MARK4: variants seen among roughly 807,000 people sequenced by gnomAD.
MARK4 encodes the protein MAP/microtubule affinity-regulating kinase 4.
MARK4 carries 19 observed loss-of-function variants against 81.5 expected under a neutral mutation model. That is an observed-to-expected ratio of 0.23 (90% CI 0.16 to 0.34). The LOEUF (loss-of-function observed/expected upper bound fraction) is 0.34, where lower values mean the gene tolerates loss of function less well. Ranked by LOEUF, MARK4 falls within the 10% of genes least tolerant of loss-of-function variation. The probability of loss-of-function intolerance (pLI) is 1.00; values close to 1 mark genes in which losing one functional copy is unlikely to be tolerated. For missense variants in MARK4, 772 were observed against 1,058.8 expected, an observed-to-expected ratio of 0.73 and a Z score of 3.76; for synonymous variants, 436 against 439.0, an observed-to-expected ratio of 0.99 and a Z score of 0.08.
At position 45,305,244 on chromosome 19, in the gene MARK4, G is replaced by A; in HGVS notation, c.*2534G>A. On this transcript the variant is annotated 3_prime_UTR_variant, in exon 17 of 17. Coordinates refer to ENST00000262891, the MANE Select transcript of MARK4 (RefSeq NM_001199867.2). ...ATGTAGCCTCTGGGTGTGGAGCTGG[G>A]ATCTTCAACTGGGGACAGTACAGTA... 1 of 152,330 alleles carries A rather than the reference G, an allele frequency of 6.6e-6. No homozygotes were observed. 9.4% of individuals were successfully genotyped at this position (152,330 alleles called of 1,614,324 possible).
chr19:45,272,592 A>G (rs1970544183), intron 8 of MARK4, among the ~76,000 whole-genome samples: 1 of 152,132 alleles, frequency 6.6e-6, no homozygotes, highest in East Asian at 1.9e-4. Flanking sequence ...AAAATGTTCT[A>G]AAATTCAATG....
chr19:45,289,991 T>C (rs1970800392), intron 13 of MARK4, among the ~76,000 whole-genome samples: 1 of 151,598 alleles, frequency 6.6e-6, no homozygotes, highest in African/African-American at 2.4e-5. Context: ...TCCCAGCTAC[T>C]TGGGAGGCTG....
chr19:45,252,344 G>T (rs1970254991), intron 1 of MARK4, among the ~76,000 whole-genome samples: 2 of 151,922 alleles, frequency 1.3e-5, no homozygotes, highest in Admixed American at 1.3e-4. Context: ...GACCCTTTCT[G>T]GTCTCTTCCT....
At chr19:45,252,948 T>C (rs929030601) in intron 1 of MARK4, among the ~76,000 whole-genome samples, 32 of 152,082 alleles carry the variant, frequency 2.1e-4, no homozygotes, top group African/African-American at 7.7e-4. Context: ...GGCCTCTGAC[T>C]TCCACTGCCC....
chr19:45,268,313 G>A (rs943797099), intron 7 of MARK4, among the ~76,000 whole-genome samples: 2 of 151,804 alleles, frequency 1.3e-5, no homozygotes, highest in South Asian at 4.2e-4. Flanking sequence ...TTGGCTGGAC[G>A]CGGTGGCTCT....
chr19:45,269,661 G>A (rs1379355204), intron 7 of MARK4, among the ~76,000 whole-genome samples: 1 of 152,128 alleles, frequency 6.6e-6, no homozygotes, highest in African/African-American at 2.4e-5. Flanking sequence ...CAGAAGGCTG[G>A]AGGCTTCTTC....
At chr19:45,295,996 G>A (rs570398948) in intron 14 of MARK4, among the ~76,000 whole-genome samples, 1 of 152,246 alleles carries the variant, frequency 6.6e-6, no homozygotes, top group East Asian at 1.9e-4. Context: ...CTGGCTCAGT[G>A]CCCCTAACAA....
chr19:45,295,382 T>A (rs1432020258), intron 14 of MARK4, among the ~76,000 whole-genome samples: 1 of 151,422 alleles, frequency 6.6e-6, no homozygotes, highest in Non-Finnish European at 1.5e-5. Context: ...CACGATTCTG[T>A]GAATACTCAG....
In MARK4 at chr19:45,303,948, A is replaced by G. The variant is rs1568507069; in HGVS notation, c.*1238A>G. The G allele has an allele frequency of 1.3e-5, 2 of 152,314 alleles. No homozygotes were observed. The highest frequency in any genetic ancestry group is 2.4e-5 in the African/African-American group (1 of 41,476). 9.4% of individuals were successfully genotyped at this position (152,314 alleles called of 1,614,324 possible). A position where few individuals can be genotyped will look rare whatever the true frequency, so the allele number is the denominator to read the frequency against. ...GGAGTATGTGGTATATCTTCAGAGA[A>G]CTGGGTAATTTCAGTGTGGCTGCTG... is the stretch of plus-strand genomic sequence containing the variant. On this transcript the variant is annotated 3_prime_UTR_variant, in exon 17 of 17. Coordinates refer to ENST00000262891, the MANE Select transcript of MARK4 (RefSeq NM_001199867.2).
At chr19:45,264,783 G>A (rs538618325) in intron 5 of MARK4, 34 bp downstream of exon 5, 1 of 1,613,852 alleles carries the variant, frequency 6.2e-7, no homozygotes, top group South Asian at 1.1e-5. Context: ...CTGCCCCTGT[G>A]CCACCTCCCC....
intron 1 of MARK4, among the ~76,000 whole-genome samples, chr19:45,254,213 G>A (rs1970279652): frequency 6.6e-6 from 1 of 152,172 alleles, no homozygotes. Flanking sequence ...CGCCAGCCGG[G>A]CGGGAGGGAG....
At chr19:45,259,735 A>G (rs1299692491) in intron 2 of MARK4, among the ~76,000 whole-genome samples, 1 of 152,132 alleles carries the variant, frequency 6.6e-6, no homozygotes, top group Non-Finnish European at 1.5e-5. Context: ...TGACCTCACC[A>G]CTGCACTCCA....
chr19:45,290,746 G>A (rs1970809787), intron 13 of MARK4, among the ~76,000 whole-genome samples: 1 of 152,226 alleles, frequency 6.6e-6, no homozygotes, highest in African/African-American at 2.4e-5. Flanking sequence ...GCAGCAACTG[G>A]CAATGACCGG....
At chr19:45,268,539 G>A (rs542749376) in intron 7 of MARK4, among the ~76,000 whole-genome samples, 3 of 150,612 alleles carry the variant, frequency 2.0e-5, no homozygotes, top group East Asian at 2.0e-4. Flanking sequence ...TGCCAAGATC[G>A]CGCCAGTGCA....
chr19:45,251,964 C>A (rs554172140), intron 1 of MARK4, among the ~76,000 whole-genome samples: 1 of 151,968 alleles, frequency 6.6e-6, no homozygotes, highest in Non-Finnish European at 1.5e-5. Flanking sequence ...AAGCCGTTTC[C>A]CCTCCAGGCC....
rs1398035769 is a variant in MARK4 at position 45,297,900 on chromosome 19, G to A, written c.1823G>A (p.Arg608Gln). ...AHEAAPLPAG[R>Q]PRPTTNLFTK... ...GAGGCTGCACCCCTGCCCGCCGGGC[G>A]GCCCCGCCCCACCACCAACCTCTTC... The change falls in exon 15 of 17, where the codon CGG becomes CAG. Residue 608 changes from arginine to glutamine, a missense_variant. By Grantham distance (43) the Arg-to-Gln change is conservative. This residue lies in a region of MARK4 where 548 missense variants were observed against 624.3 expected (regional missense o/e 0.88). Coordinates refer to ENST00000262891, the MANE Select transcript of MARK4 (RefSeq NM_001199867.2). The A allele has an allele frequency of 3.8e-5, 59 of 1,549,922 alleles. No homozygotes were observed. Among genetic ancestry groups the A allele is most frequent in the East Asian group, 4.9e-5 (2 of 40,882 alleles).
chr19:45,261,095 A>G (rs936992284), intron 2 of MARK4, among the ~76,000 whole-genome samples: 9 of 151,982 alleles, frequency 5.9e-5, no homozygotes, highest in African/African-American at 1.7e-4. Context: ...CACGCTGTCT[A>G]CACCATACAC....
intron 4 of MARK4, 109 bp from the exon 5 acceptor site, chr19:45,264,575 G>A (rs1415708882): frequency 2.0e-6 from 2 of 1,005,732 alleles, no homozygotes; most frequent in African/African-American, 3.2e-5. Flanking sequence ...GCCATTGAGT[G>A]TTGAGTTGGG....
chr19:45,268,031 G>T (rs1488398555), intron 7 of MARK4, among the ~76,000 whole-genome samples: 4 of 151,806 alleles, frequency 2.6e-5, no homozygotes, highest in Admixed American at 2.0e-4. Flanking sequence ...CCTGACCTTG[G>T]GTGATCTGCC....
Sources: gnomAD v4.1 joint callset for allele counts (sites outside exome capture counted in the v4.1 genomes callset) on GRCh38, gnomAD v4.1.1 for gene constraint, gnomAD v4.1.1 regional missense constraint, MANE v1.5 for transcripts, NCBI Gene and HGNC (gene_info 2026-07-23, HGNC 2026-07-21) for gene names.